Variants in NSMCE2 observed in about 807,000 individuals in gnomAD.
NSMCE2 encodes E3 SUMO-protein ligase NSE2.
A neutral mutation model predicts 23.8 loss-of-function variants in NSMCE2; 24 were observed. The observed-to-expected ratio is 1.01, with a 90% CI of 0.73 to 1.42. NSMCE2 has a LOEUF of 1.42. Among genes scored for constraint, NSMCE2 ranks in the 40% most tolerant of loss-of-function variants. The pLI, the probability that NSMCE2 is intolerant of heterozygous loss-of-function variation, is 0.00. For synonymous variants in NSMCE2, 92 were observed against 94.1 expected (o/e 0.98, Z 0.13); for missense variants, 284 against 296.5 (o/e 0.96, Z 0.31).
Position 125,186,981 on chromosome 8 carries a change from A to G in NSMCE2, c.418+4725A>G, listed in dbSNP as rs191559449. 1.1e-4 allele frequency among the ~76,000 whole-genome samples: 16 copies of G among 152,362 alleles called. No individual in the cohort carries two copies. The East Asian group carries it at 3.1e-3, about 29-fold the overall frequency. On this transcript the variant is annotated intron_variant, in intron 5 of 7. Transcript: ENST00000287437. ...TTGAACAAAGAATTTTATCCTTTAG[A>G]TACCCAGTGTCCTGTATGTTAGAAA...
intron 5 of NSMCE2, among the ~76,000 whole-genome samples, chr8:125,221,650 A>G (rs1002939237): frequency 6.6e-6 from 1 of 152,266 alleles, no homozygotes; most frequent in Non-Finnish European, 1.5e-5. Context: ...TTGTATATAC[A>G]TAATGAAATA....
At chr8:125,274,646 G>A (rs1263745517) in intron 5 of NSMCE2, among the ~76,000 whole-genome samples, 2 of 152,056 alleles carry the variant, frequency 1.3e-5, no homozygotes, top group Non-Finnish European at 2.9e-5. Context: ...GTAACTATTT[G>A]TGGCCAGGCA....
chr8:125,128,497 A>G (rs1031708744), intron 3 of NSMCE2, among the ~76,000 whole-genome samples: 51 of 152,342 alleles, frequency 3.3e-4, no homozygotes, highest in African/African-American at 1.2e-3. Flanking sequence ...ATACGCATCT[A>G]TGTTAATGGA....
At chr8:125,199,123 T>G (rs1037909245) in intron 5 of NSMCE2, among the ~76,000 whole-genome samples, 1 of 152,168 alleles carries the variant, frequency 6.6e-6, no homozygotes, top group African/African-American at 2.4e-5. Flanking sequence ...ATTTTGTTGA[T>G]CTTTTCAAAA....
At chr8:125,286,473 G>A (rs1256842397) in intron 5 of NSMCE2, among the ~76,000 whole-genome samples, 2 of 151,118 alleles carry the variant, frequency 1.3e-5, no homozygotes, top group African/African-American at 4.9e-5. Context: ...CCACCATGAC[G>A]GCTAATTTTT....
At chr8:125,254,308 G>C (rs17311104) in intron 5 of NSMCE2, among the ~76,000 whole-genome samples, 2,103 of 152,252 alleles carry the variant, frequency 0.014, 20 homozygotes, top group South Asian at 0.026. Context: ...TGAGTCATTA[G>C]TGTGCCACAA....
chr8:125,264,849 C>G (rs1469108070), intron 5 of NSMCE2, among the ~76,000 whole-genome samples: 1 of 152,168 alleles, frequency 6.6e-6, no homozygotes, highest in Non-Finnish European at 1.5e-5. Context: ...CTTATATCTT[C>G]TAGTACCTTG....
At chr8:125,160,631 A>G (rs540642851) in intron 4 of NSMCE2, among the ~76,000 whole-genome samples, 1 of 152,318 alleles carries the variant, frequency 6.6e-6, no homozygotes, top group African/African-American at 2.4e-5. Flanking sequence ...ATAACAATGA[A>G]AAAGATACCG....
intron 5 of NSMCE2, among the ~76,000 whole-genome samples, chr8:125,339,022 C>T (rs1182394048): frequency 1.3e-5 from 2 of 152,142 alleles, no homozygotes; most frequent in African/African-American, 4.8e-5. Context: ...TGTGCCTTAC[C>T]CTGAGACATC....
At chr8:125,141,011 G>A (rs888289862) in intron 3 of NSMCE2, among the ~76,000 whole-genome samples, 3 of 152,120 alleles carry the variant, frequency 2.0e-5, no homozygotes, top group Non-Finnish European at 2.9e-5. Flanking sequence ...GGGGGTCTGC[G>A]GATATGCTTT....
At chr8:125,364,591 A>G (rs1284259519) in intron 7 of NSMCE2, among the ~76,000 whole-genome samples, 2 of 152,246 alleles carry the variant, frequency 1.3e-5, no homozygotes, top group African/African-American at 4.8e-5. Flanking sequence ...CATAGGGCTG[A>G]TCCCTAGAAG....
intron 5 of NSMCE2, among the ~76,000 whole-genome samples, chr8:125,249,134 G>A (rs1826105696): frequency 1.3e-5 from 2 of 150,540 alleles, no homozygotes; most frequent in South Asian, 4.2e-4. Flanking sequence ...TCATGCCACT[G>A]TACTCCAGCC....
rs550366816 is a variant in NSMCE2 at position 125,198,400 on chromosome 8, G to C, written c.418+16144G>C. Among the ~76,000 whole-genome samples the C allele has an allele frequency of 2.1e-3, 321 of 152,252 alleles. 2 individuals carry two copies. The highest frequency in any genetic ancestry group is 7.5e-3 in the African/African-American group (313 of 41,536). On this transcript the variant is annotated intron_variant, in intron 5 of 7. Coordinates refer to ENST00000287437, the MANE Select transcript of NSMCE2 (RefSeq NM_173685.4). ...TTATTGAGAGTTTTTAGCATGAAAG[G>C]CTGTTGAATTTTGTCAAAGGCCTTT...
chr8:125,210,556 A>C (rs939481772), intron 5 of NSMCE2, among the ~76,000 whole-genome samples: 1 of 152,196 alleles, frequency 6.6e-6, no homozygotes, highest in Non-Finnish European at 1.5e-5. Context: ...AGTAGCATTC[A>C]GCATCTGCAC....
intron 5 of NSMCE2, among the ~76,000 whole-genome samples, chr8:125,227,905 T>G (rs1825169820): frequency 6.6e-6 from 1 of 152,178 alleles, no homozygotes; most frequent in Admixed American, 6.5e-5. Flanking sequence ...GCTCATTAAA[T>G]ATTTGAAAAA....
At position 125,353,185 on chromosome 8, in the gene NSMCE2, G is replaced by A. The variant is rs528116847; in HGVS notation, c.419-4034G>A. Among the ~76,000 whole-genome samples, 8 of 152,348 alleles carry A rather than the reference G, an allele frequency of 5.3e-5. No homozygotes were observed. In the South Asian group the frequency reaches 1.7e-3, roughly 32 times the overall value. On this transcript the variant is annotated intron_variant, in intron 5 of 7. Coordinates refer to ENST00000287437, the MANE Select transcript of NSMCE2 (RefSeq NM_173685.4). ...GCTGAACTCTGTTATTCATCCAGCAGATTTTCTGGTGAATTCTCTGGCACA... is the reference window on the plus strand; with the variant it reads ...GCTGAACTCTGTTATTCATCCAGCAAATTTTCTGGTGAATTCTCTGGCACA...
At chr8:125,255,364 T>C (rs1826360641) in intron 5 of NSMCE2, among the ~76,000 whole-genome samples, 1 of 152,176 alleles carries the variant, frequency 6.6e-6, no homozygotes, top group African/African-American at 2.4e-5. Flanking sequence ...TTTGAAGCAA[T>C]GTAGATTACA....
intron 3 of NSMCE2, among the ~76,000 whole-genome samples, chr8:125,131,075 A>G (rs1819751619): frequency 6.6e-6 from 1 of 152,218 alleles, no homozygotes. Context: ...TCCTTCAGTG[A>G]CATTTGTCAT....
At chr8:125,238,146 C>T (rs569107519) in intron 5 of NSMCE2, among the ~76,000 whole-genome samples, 5 of 152,222 alleles carry the variant, frequency 3.3e-5, no homozygotes, top group East Asian at 1.9e-4. Context: ...CCTCCTAACC[C>T]GGGTCTCTCT....
Sources: allele counts gnomAD v4.1 joint callset (sites outside exome capture counted in the v4.1 genomes callset), GRCh38; gene constraint gnomAD v4.1.1; transcripts MANE v1.5; gene names NCBI Gene and HGNC (gene_info 2026-07-23, HGNC 2026-07-21).